Variants in RYR3 observed in about 807,000 individuals in gnomAD.
The protein encoded by RYR3 is ryanodine receptor 3.
Under a neutral mutation model 584.3 loss-of-function variants are expected in RYR3, and 207 were observed. That is an observed-to-expected ratio of 0.35 (90% CI 0.32 to 0.40). RYR3 has a LOEUF of 0.40. Ranked by LOEUF, RYR3 falls within the 10% of genes least tolerant of loss-of-function variation. The pLI, the probability that RYR3 is intolerant of heterozygous loss-of-function variation, is 1.00. For missense variants in RYR3, 5,616 were observed against 6,089.2 expected (o/e 0.92, Z 2.59); for synonymous variants, 2,416 against 2,248.5 (o/e 1.07, Z -2.11).
chr15:33,483,818 T>A (rs1348169448), intron 2 of RYR3, among the ~76,000 whole-genome samples: 2 of 152,176 alleles, frequency 1.3e-5, no homozygotes, highest in Non-Finnish European at 2.9e-5. Context: ...ACATTTCTCC[T>A]CTTCTATTTC....
chr15:33,356,965 C>A (rs1974067497), intron 1 of RYR3, among the ~76,000 whole-genome samples: 1 of 152,102 alleles, frequency 6.6e-6, no homozygotes, highest in Non-Finnish European at 1.5e-5. Flanking sequence ...AGGAGTGATT[C>A]CTTATGGCTG....
At chr15:33,538,570 C>T (rs147553765) in intron 5 of RYR3, among the ~76,000 whole-genome samples, 274 of 152,260 alleles carry the variant, frequency 1.8e-3, no homozygotes, top group African/African-American at 6.4e-3. Flanking sequence ...TCTTCTATAG[C>T]GTGGAGGAGG....
rs890935645 is a variant in RYR3 at position 33,412,142 on chromosome 15, A to G, written c.52-61277A>G. On this transcript the variant is annotated intron_variant, in intron 1 of 103. Transcript: ENST00000634891. The surrounding 1 kb of genome is among the most constrained non-coding windows in gnomAD (Gnocchi z 4.3). ...TAACTACTTAGGCGAGTAAGAGATT[A>G]TAAATATTATCATTGAAATGAGGTA... Among the ~76,000 whole-genome samples, 1 of 152,212 alleles carries G rather than the reference A, an allele frequency of 6.6e-6. No homozygotes were observed. The highest frequency in any genetic ancestry group is 2.1e-4 in the South Asian group (1 of 4,822).
chr15:33,548,278 C>A (rs1352274500), intron 9 of RYR3, 74 bp downstream of exon 9: 2 of 886,398 alleles, frequency 2.3e-6, no homozygotes, highest in African/African-American at 1.7e-5. Context: ...TTAAATATTT[C>A]ATTCATTCCA....
chr15:33,692,876 C>G (rs1194369074), intron 38 of RYR3, among the ~76,000 whole-genome samples: 1 of 152,066 alleles, frequency 6.6e-6, no homozygotes, highest in East Asian at 1.9e-4. Context: ...TACCCAAATC[C>G]TGAATTAATC....
chr15:33,466,817 A>G (rs973223366), intron 1 of RYR3, among the ~76,000 whole-genome samples: 6 of 152,234 alleles, frequency 3.9e-5, no homozygotes, highest in African/African-American at 1.4e-4. Context: ...ATTCACAAAT[A>G]TTTGTGCTTT....
chr15:33,791,361 G>GACAC (rs3086244), intron 67 of RYR3, among the ~76,000 whole-genome samples: 36 of 150,706 alleles, frequency 2.4e-4, no homozygotes, highest in African/African-American at 8.3e-4. Flanking sequence ...GACTGTGTGT[G>GACAC]ACACACACAC....
chr15:33,601,585 C>G, intron 17 of RYR3, 33 bp downstream of exon 17: 1 of 1,611,216 alleles, frequency 6.2e-7, no homozygotes, highest in Non-Finnish European at 8.5e-7. Flanking sequence ...AAATGCCAAG[C>G]ATAGTTCTGC....
intron 1 of RYR3, among the ~76,000 whole-genome samples, chr15:33,460,664 C>T (rs999113407): frequency 2.6e-5 from 4 of 152,152 alleles, no homozygotes; most frequent in African/African-American, 7.2e-5. Context: ...CAAAAGAAAT[C>T]GCCGTCTTGC....
rs8034123 is a variant in RYR3, at chr15:33,731,327, C to T, written c.7204-147C>T. 8.0e-4 allele frequency: 443 copies of T among 550,826 alleles called. 2 individuals carry two copies. Among genetic ancestry groups the T allele is most frequent in the African/African-American group, 7.2e-3 (387 of 53,422 alleles). 34.1% of individuals were successfully genotyped at this position (550,826 alleles called of 1,614,324 possible). ...AATGCAAAAAGAAAAATAGAACTGC[C>T]GATAAGGTAGAAAGTTGTTCACTGC... On this transcript the variant is annotated intron_variant, in intron 47 of 103. Transcript: ENST00000634891.
At chr15:33,753,473 T>C (rs2071522808) in intron 57 of RYR3, among the ~76,000 whole-genome samples, 1 of 152,180 alleles carries the variant, frequency 6.6e-6, no homozygotes, top group Admixed American at 6.5e-5. Flanking sequence ...GTTTTCTCCC[T>C]GGTCAAATGG....
At position 33,853,714 on chromosome 15, in the gene RYR3, C is replaced by G. The variant is rs764854766; in HGVS notation, c.13799+32C>G. ...AAAGCTTAGGAGTTCAAATCCAAAG[C>G]AGCTAAAATAGATAGATCTTTGCTT... On this transcript the variant is annotated intron_variant, in intron 96 of 103. Transcript: ENST00000634891. 5 of 1,602,276 alleles carry G rather than the reference C, an allele frequency of 3.1e-6. No homozygotes were observed. In the African/African-American group the frequency reaches 6.7e-5, roughly 22 times the overall value.
chr15:33,835,717 G>GC (rs1398434064), intron 87 of RYR3, among the ~76,000 whole-genome samples: 1 of 152,180 alleles, frequency 6.6e-6, no homozygotes, highest in Non-Finnish European at 1.5e-5. Flanking sequence ...TGTCACATCT[G>GC]CCTCCTCTCT....
Position 33,660,311 on chromosome 15 carries a change from C to T in RYR3, c.4510C>T (p.Pro1504Ser). Residue 1504 changes from proline to serine, a missense_variant, in exon 34 of 104, where the codon CCC (proline) becomes TCC (serine). By Grantham distance (74) the Pro-to-Ser change is moderately conservative (BLOSUM62 -1). Transcript: ENST00000634891. ...TIQPVLWSRM[P>S]NSFLKVETER... is the part of the protein sequence containing the mutation. ...CCAGCCCGTGCTCTGGAGCCGCATG[C>T]CCAACAGCTTCCTGAAGGTGGAGAC... is the stretch of plus-strand genomic sequence containing the variant. The T allele has an allele frequency of 1.9e-6, 3 of 1,583,190 alleles. No individual in the cohort carries two copies. The highest frequency in any genetic ancestry group is 2.6e-6 in the Non-Finnish European group (3 of 1,164,890).
At chr15:33,492,008 G>A (rs1299002549) in intron 2 of RYR3, among the ~76,000 whole-genome samples, 5 of 152,216 alleles carry the variant, frequency 3.3e-5, no homozygotes, top group Non-Finnish European at 7.3e-5. Flanking sequence ...TCCTGGTAAG[G>A]ATGACATGAT....
At chr15:33,435,799 G>A (rs746586840) in intron 1 of RYR3, among the ~76,000 whole-genome samples, 1 of 152,108 alleles carries the variant, frequency 6.6e-6, no homozygotes, top group Non-Finnish European at 1.5e-5. Context: ...TGGACCCAAA[G>A]AGTGAGCAGC....
chr15:33,724,568 A>C (rs1372816933), intron 45 of RYR3, among the ~76,000 whole-genome samples: 1 of 152,210 alleles, frequency 6.6e-6, no homozygotes, highest in Non-Finnish European at 1.5e-5. Flanking sequence ...CCAGGAAGGC[A>C]GACTCTTCCT....
At chr15:33,633,621 T>C (rs2061366737) in intron 24 of RYR3, among the ~76,000 whole-genome samples, 1 of 152,182 alleles carries the variant, frequency 6.6e-6, no homozygotes, top group Admixed American at 6.5e-5. Context: ...CATTAGTTAA[T>C]TCATACCGGA....
chr15:33,810,914 C>T lies in RYR3; in HGVS notation c.10198-64C>T, dbSNP rs1243210991. ...CTGTGCGTTGACTCTCCATACATCCCCATATGCTACTTGACAGTTCCATGG... is the reference window on the plus strand; with the variant it reads ...CTGTGCGTTGACTCTCCATACATCCTCATATGCTACTTGACAGTTCCATGG... On this transcript the variant is annotated intron_variant, in intron 71 of 103. Transcript: ENST00000634891. 6.6e-6 allele frequency: 9 copies of T among 1,363,344 alleles called. No homozygotes were observed. The East Asian group carries it at 1.7e-4, about 26-fold the overall frequency. The allele number at this position is 1,363,344 out of a possible 1,614,324, so 84.5% of individuals were successfully genotyped here.
Sources: allele counts gnomAD v4.1 joint callset (sites outside exome capture counted in the v4.1 genomes callset), GRCh38; gene constraint gnomAD v4.1.1; non-coding constraint Gnocchi (gnomAD v3.1); transcripts MANE v1.5; gene names NCBI Gene and HGNC (gene_info 2026-07-23, HGNC 2026-07-21).